Variants in PRDM13 observed in about 807,000 individuals in gnomAD.
The protein encoded by PRDM13 is PR/SET domain 13, also known as PR domain zinc finger protein 13.
A neutral mutation model predicts 36.4 loss-of-function variants in PRDM13; 15 were observed. That is an observed-to-expected ratio of 0.41 (90% CI 0.28 to 0.64). PRDM13 has a LOEUF of 0.64. PRDM13 is among the 30% of genes least tolerant of loss of function. PRDM13 has a pLI of 0.29. For missense variants in PRDM13, 1,044 were observed against 1,013.5 expected (o/e 1.03, Z -0.41); for synonymous variants, 531 against 467.7 (o/e 1.14, Z -1.75).
At position 99,613,208 on chromosome 6, in the gene PRDM13, C is replaced by T; in HGVS notation, c.573C>T (p.Ser191=). The change falls in exon 4 of 4, where the codon TCC becomes TCT. Residue 191 remains serine, a synonymous_variant. Transcript: ENST00000369215. This position sits in a 1 kb window ranked among gnomAD's most constrained non-coding sequence, Gnocchi z 6.1. The stretch of plus-strand genomic sequence containing the variant: ...CAGCGGCTGATGGCCTCGGTCTCTC[C>T]CCAAAACCCCCGGCGCCCGATTTCG... ...AVPAADGLGL[S]PKPPAPDFAA... 6.2e-7 allele frequency: 1 copy of T among 1,612,214 alleles called. No homozygotes were observed. The highest frequency in any genetic ancestry group is 1.3e-5 in the African/African-American group (1 of 75,042).
Position 99,613,539 on chromosome 6 carries a change from A to T in PRDM13, c.904A>T (p.Arg302Trp). The change falls in exon 4 of 4, where the codon AGG (arginine) becomes TGG (tryptophan). Residue 302 changes from arginine to tryptophan, a missense_variant. Arg to Trp is a moderately radical substitution (Grantham distance 101, BLOSUM62 -3). Transcript: ENST00000369215. The surrounding 1 kb of genome is among the most constrained non-coding windows in gnomAD (Gnocchi z 6.1). The stretch of plus-strand genomic sequence containing the variant: ...AGCTTTCAAGCCCGCCGGCCTAGCG[A>T]GGGCGGCGGCGGCCGCTCACGGCGA... ...RSAFKPAGLA[R>W]AAAAAHGDPY... The T allele has an allele frequency of 6.7e-7, 1 of 1,493,920 alleles. No individual in the cohort carries two copies. Among genetic ancestry groups the T allele is most frequent in the Non-Finnish European group, 8.8e-7 (1 of 1,132,658 alleles). The allele number at this position is 1,493,920 out of a possible 1,614,324, so 92.5% of individuals were successfully genotyped here. A position where few individuals can be genotyped will look rare whatever the true frequency, so the allele number is the denominator to read the frequency against.
rs764008021 is a variant in PRDM13 at position 99,613,158 on chromosome 6, C to A, written c.523C>A (p.His175Asn). The A allele has an allele frequency of 6.2e-7, 1 of 1,613,064 alleles. No homozygotes were observed. The change falls in exon 4 of 4, where the codon CAC (histidine) becomes AAC (asparagine). Residue 175 changes from histidine (H) to asparagine (N), a missense_variant. Coordinates refer to ENST00000369215, the MANE Select transcript of PRDM13 (RefSeq NM_021620.4). The surrounding 1 kb of genome is among the most constrained non-coding windows in gnomAD (Gnocchi z 6.1). ...GGGGAFLHHE[H>N]AARQGAVPAA... is the part of the protein sequence containing the mutation. ...AGGCGGCGCCTTCCTGCACCACGAA[C>A]ACGCGGCTCGCCAAGGCGCCGTCCC...
chr6:99,610,824 T>A (rs752618251), intron 3 of PRDM13, among the ~76,000 whole-genome samples: 2 of 152,220 alleles, frequency 1.3e-5, no homozygotes, highest in African/African-American at 4.8e-5. Context: ...CACCCTTTCT[T>A]AGGTAGTCCC....
In PRDM13 at chr6:99,607,077, G is replaced by A; in HGVS notation, c.43G>A (p.Asp15Asn). The A allele has an allele frequency of 6.2e-7, 1 of 1,613,234 alleles. No individual in the cohort carries two copies. The highest frequency in any genetic ancestry group is 8.5e-7 in the Non-Finnish European group (1 of 1,179,806). ...AGCGCCAGCCACCAGCGTGAGTGCC[G>A]ACTGCTGCATCCCGGCCGGCTTGCG... ...ARAPATSVSA[D>N]CCIPAGLRLG... Residue 15 changes from aspartate (D) to asparagine (N), a missense_variant, in exon 1 of 4, where the codon GAC (aspartate) becomes AAC (asparagine). Transcript: ENST00000369215.
chr6:99,613,472 G>C lies in PRDM13; in HGVS notation c.837G>C (p.Ser279=). The C allele has an allele frequency of 6.5e-7, 1 of 1,531,804 alleles. No individual in the cohort carries two copies. The highest frequency in any genetic ancestry group is 8.7e-7 in the Non-Finnish European group (1 of 1,147,808). 94.9% of individuals were successfully genotyped at this position (1,531,804 alleles called of 1,614,324 possible). ...TCCTCGGCATCGTGGGCGGCTCCTC[G>C]GCGGGGGTCGGCAGCCTGGCTTTCT... ...GHFLGIVGGS[S]AGVGSLAFYP... Residue 279 remains serine (S), a synonymous_variant, in exon 4 of 4, where the codon TCG becomes TCC. Coordinates refer to ENST00000369215, the MANE Select transcript of PRDM13 (RefSeq NM_021620.4). The surrounding 1 kb of genome is among the most constrained non-coding windows in gnomAD (Gnocchi z 6.1).
intron 1 of PRDM13, among the ~76,000 whole-genome samples, chr6:99,607,680 T>C (rs1469302063): frequency 6.6e-6 from 1 of 152,182 alleles, no homozygotes; most frequent in African/African-American, 2.4e-5. Flanking sequence ...TCCTAGAACC[T>C]CCTCAGATAT....
intron 1 of PRDM13, among the ~76,000 whole-genome samples, chr6:99,607,564 G>T (rs1769966980): frequency 6.6e-6 from 1 of 152,182 alleles, no homozygotes; most frequent in Non-Finnish European, 1.5e-5. Context: ...TCAGGGCATC[G>T]AGACCCTTTC....
rs1770098369 is a variant in PRDM13, at chr6:99,614,523, T to C, written c.1888T>C (p.Tyr630His). Residue 630 changes from tyrosine to histidine, a missense_variant, in exon 4 of 4, where the codon TAC becomes CAC. Physicochemically the swap from Tyr to His is moderately conservative, Grantham distance 83. Around this residue, in one of 3 missense-constraint regions of PRDM13, gnomAD observed 115 missense variants for 122.1 expected, o/e 0.94. Transcript: ENST00000369215. ...IRLHAEGNTP[Y>H]RCEFCGKVLV... Reference sequence around the variant, plus strand: ...GCTGCACGCCGAGGGCAATACGCCCTACCGCTGCGAGTTCTGCGGCAAGGT... The same window carrying C: ...GCTGCACGCCGAGGGCAATACGCCCCACCGCTGCGAGTTCTGCGGCAAGGT... 6.2e-7 allele frequency: 1 copy of C among 1,613,076 alleles called. No homozygotes were observed. The highest frequency in any genetic ancestry group is 1.7e-5 in the Admixed American group (1 of 60,006).
At chr6:99,612,837 G>T (rs577334004) in intron 3 of PRDM13, among the ~76,000 whole-genome samples, 196 bp from the exon 4 acceptor site, 34 of 152,338 alleles carry the variant, frequency 2.2e-4, no homozygotes, top group African/African-American at 7.9e-4. Flanking sequence ...AGTCCCAGAG[G>T]ATGGAGACAC....
chr6:99,609,904 A>T (rs112208524), intron 3 of PRDM13, among the ~76,000 whole-genome samples: 10 of 103,074 alleles, frequency 9.7e-5, no homozygotes, highest in African/African-American at 3.4e-4. Context: ...AAATAAAAAT[A>T]AAAAATAAAA....
Position 99,613,861 on chromosome 6 carries a change from C to A in PRDM13, c.1226C>A (p.Pro409Gln), listed in dbSNP as rs982635235. 1.3e-6 allele frequency: 2 copies of A among 1,507,646 alleles called. No individual in the cohort carries two copies. The highest frequency in any genetic ancestry group is 1.8e-6 in the Non-Finnish European group (2 of 1,135,284). 93.4% of individuals were successfully genotyped at this position (1,507,646 alleles called of 1,614,324 possible). A position where few individuals can be genotyped will look rare whatever the true frequency, so the allele number is the denominator to read the frequency against. The change falls in exon 4 of 4, where the codon CCG becomes CAG. Residue 409 changes from proline (P) to glutamine (Q), a missense_variant. By Grantham distance (76) the Pro-to-Gln change is moderately conservative. Around this residue, in one of 3 missense-constraint regions of PRDM13, gnomAD observed 921 missense variants for 865.2 expected, o/e 1.06. Coordinates refer to ENST00000369215, the MANE Select transcript of PRDM13 (RefSeq NM_021620.4). The surrounding 1 kb of genome is among the most constrained non-coding windows in gnomAD (Gnocchi z 6.1). ...GCCTTCAAGCACGTGGAGCGCGCCC[C>A]GCCCGCAGCCGCCGCGCTGCCAGGA... ...ASAFKHVERA[P>Q]PAAAALPGAR...
In PRDM13 at chr6:99,613,076, A is replaced by G; in HGVS notation, c.441A>G (p.Arg147=). The part of the protein sequence containing the change: ...YICWYCWRTF[R]YPNSLKAHLR... The stretch of plus-strand genomic sequence containing the variant: ...GCTGGTACTGCTGGAGGACGTTTAG[A>G]TACCCCAACAGCCTTAAGGCACACC... Residue 147 remains arginine, a synonymous_variant, in exon 4 of 4, where the codon AGA becomes AGG. Transcript: ENST00000369215. The surrounding 1 kb of genome is among the most constrained non-coding windows in gnomAD (Gnocchi z 6.1). 6.2e-7 allele frequency: 1 copy of G among 1,613,440 alleles called. No homozygotes were observed. The highest frequency in any genetic ancestry group is 8.5e-7 in the Non-Finnish European group (1 of 1,179,844).
chr6:99,608,452 T>C (rs1486438719), intron 1 of PRDM13, among the ~76,000 whole-genome samples: 1 of 152,174 alleles, frequency 6.6e-6, no homozygotes, highest in African/African-American at 2.4e-5. Flanking sequence ...TGGTACAAGA[T>C]GTGCCTAAGC....
intron 1 of PRDM13, among the ~76,000 whole-genome samples, chr6:99,607,939 C>T (rs1379845608): frequency 6.6e-6 from 1 of 152,266 alleles, no homozygotes; most frequent in African/African-American, 2.4e-5. Flanking sequence ...ACTTATAGCA[C>T]TCGCCCGCTT....
chr6:99,611,188 C>T (rs1770026313), intron 3 of PRDM13, among the ~76,000 whole-genome samples: 1 of 152,132 alleles, frequency 6.6e-6, no homozygotes, highest in South Asian at 2.1e-4. Context: ...GGGATGGCTG[C>T]TATCCTCCTA....
At position 99,614,133 on chromosome 6, in the gene PRDM13, A is replaced by G; in HGVS notation, c.1498A>G (p.Ser500Gly). Residue 500 changes from serine (S) to glycine (G), a missense_variant, in exon 4 of 4, where the codon AGC (serine) becomes GGC (glycine). Physicochemically the swap from Ser to Gly is moderately conservative, Grantham distance 56. Transcript: ENST00000369215. ...GTATCCGGAGTCCATCTCCTACTTC[A>G]GCGGGCCTGCAGCGGCCGCCCTAAG... The part of the protein sequence containing the change: ...LKYPESISYF[S>G]GPAAAALSPA... 6 of 1,598,166 alleles carry G rather than the reference A, an allele frequency of 3.8e-6. No individual in the cohort carries two copies. Among genetic ancestry groups the G allele is most frequent in the Non-Finnish European group, 5.1e-6 (6 of 1,173,982 alleles).
Position 99,614,519 on chromosome 6 carries a change from G to A in PRDM13, c.1884G>A (p.Thr628=). The change falls in exon 4 of 4, where the codon ACG becomes ACA. Residue 628 remains threonine, a synonymous_variant. Transcript: ENST00000369215. ...KHIRLHAEGN[T]PYRCEFCGKV... ...TCCGGCTGCACGCCGAGGGCAATACGCCCTACCGCTGCGAGTTCTGCGGCA... is the reference window on the plus strand; with the variant it reads ...TCCGGCTGCACGCCGAGGGCAATACACCCTACCGCTGCGAGTTCTGCGGCA... The A allele has an allele frequency of 1.9e-6, 3 of 1,613,200 alleles. No individual in the cohort carries two copies. Among genetic ancestry groups the A allele is most frequent in the African/African-American group, 1.3e-5 (1 of 75,068 alleles).
chr6:99,612,704 G>T (rs1770048826), intron 3 of PRDM13, among the ~76,000 whole-genome samples: 1 of 152,212 alleles, frequency 6.6e-6, no homozygotes, highest in Non-Finnish European at 1.5e-5. Context: ...TAAAGCAACA[G>T]CTGCTCTTTG....
chr6:99,612,522 G>A (rs1770046255), intron 3 of PRDM13, among the ~76,000 whole-genome samples: 1 of 152,154 alleles, frequency 6.6e-6, no homozygotes, highest in Non-Finnish European at 1.5e-5. Context: ...CCTGTGAAAA[G>A]GAATGATTAC....
Sources: gnomAD v4.1 joint callset for allele counts (sites outside exome capture counted in the v4.1 genomes callset) on GRCh38, gnomAD v4.1.1 for gene constraint, gnomAD v4.1.1 regional missense constraint, Gnocchi (gnomAD v3.1) non-coding constraint, MANE v1.5 for transcripts, NCBI Gene and HGNC (gene_info 2026-07-23, HGNC 2026-07-21) for gene names.